MDH1B: variants seen among roughly 807,000 people sequenced by gnomAD.
MDH1B encodes putative malate dehydrogenase 1B.
MDH1B carries 60 observed loss-of-function variants against 61.4 expected under a neutral mutation model. The observed-to-expected ratio is 0.98, with a 90% CI of 0.79 to 1.21. MDH1B has a LOEUF of 1.21. MDH1B is among the 50% of genes most tolerant of loss of function. MDH1B has a pLI of 0.00. For synonymous variants in MDH1B, 236 were observed against 218.7 expected (o/e 1.08, Z -0.70); for missense variants, 587 against 632.1 (o/e 0.93, Z 0.76).
At chr2:206,741,607 A>T (rs1218235745) in intron 9 of MDH1B, among the ~76,000 whole-genome samples, 1 of 152,154 alleles carries the variant, frequency 6.6e-6, no homozygotes, top group Admixed American at 6.5e-5. Flanking sequence ...CAATTTTGAG[A>T]CTCAGACTGG....
Position 206,739,613 on chromosome 2 carries a change from T to C in MDH1B, c.1508A>G (p.Gln503Arg), listed in dbSNP as rs1687692788. 5 of 1,614,058 alleles carry C rather than the reference T, an allele frequency of 3.1e-6. No individual in the cohort carries two copies. The highest frequency in any genetic ancestry group is 4.2e-6 in the Non-Finnish European group (5 of 1,179,930). ...QIPQTTFEKP[Q>R]SLEFLNEFEG... ...CCTACCATTTAGGAACTCAAGACTC[T>C]GTGGCTTTTCAAAGGTGGTTTGAGG... Residue 503 changes from glutamine to arginine, a missense_variant, in exon 11 of 12, where the codon CAG becomes CGG. Coordinates refer to ENST00000374412, the MANE Select transcript of MDH1B (RefSeq NM_001039845.3).
At chr2:206,749,271 A>G (rs1210428086) in intron 6 of MDH1B, 88 bp from the exon 7 acceptor site, 6 of 1,090,508 alleles carry the variant, frequency 5.5e-6, no homozygotes, top group Admixed American at 4.4e-5. Flanking sequence ...ACTAAGTATC[A>G]GAAACCTAAT....
intron 9 of MDH1B, among the ~76,000 whole-genome samples, chr2:206,744,512 A>G (rs1687983931): frequency 6.6e-6 from 1 of 152,206 alleles, no homozygotes; most frequent in Non-Finnish European, 1.5e-5. Flanking sequence ...GCCCTCCCCT[A>G]TTTCTTATGA....
intron 1 of MDH1B, 122 bp downstream of exon 1, chr2:206,765,128 T>C: frequency 1.2e-5 from 15 of 1,277,802 alleles, no homozygotes; most frequent in Non-Finnish European, 1.6e-5. Flanking sequence ...TAAAAAACTT[T>C]GAATAAATCT....
At chr2:206,739,451 G>A (rs1687683945) in intron 11 of MDH1B, 142 bp downstream of exon 11, 1 of 723,432 alleles carries the variant, frequency 1.4e-6, no homozygotes, top group Non-Finnish European at 2.3e-6. Flanking sequence ...AGGAGAGTAA[G>A]CAACCAAGGC....
At chr2:206,744,848 C>G (rs555031178) in intron 9 of MDH1B, among the ~76,000 whole-genome samples, 1 of 152,114 alleles carries the variant, frequency 6.6e-6, no homozygotes, top group South Asian at 2.1e-4. Context: ...TCGCTCGTAC[C>G]TGGGAGGCGG....
chr2:206,738,583 T>C (rs552076003), intron 11 of MDH1B, 72 bp from the exon 12 acceptor site: 1 of 1,143,336 alleles, frequency 8.7e-7, no homozygotes, highest in South Asian at 1.5e-5. Context: ...ATTATTAGCT[T>C]TTTTGTTTGC....
Position 206,756,984 on chromosome 2 carries a change from T to C in MDH1B, c.327A>G (p.Gln109=), listed in dbSNP as rs1325149248. The stretch of plus-strand genomic sequence containing the variant: ...TTTCTATATGTGCCCCCAGGTTCTC[T>C]TGAGCAATTACCATCATCAGTTCAG... The part of the protein sequence containing the change: ...MTTELMMVIA[Q]ENLGAHIEKE... Residue 109 remains glutamine, a synonymous_variant, in exon 4 of 12, where the codon CAA becomes CAG. Transcript: ENST00000374412. The C allele has an allele frequency of 6.2e-7, 1 of 1,614,068 alleles. No homozygotes were observed. The highest frequency in any genetic ancestry group is 1.7e-5 in the Admixed American group (1 of 60,016).
chr2:206,741,771 G>A (rs183801584), intron 9 of MDH1B, among the ~76,000 whole-genome samples: 87 of 152,108 alleles, frequency 5.7e-4, no homozygotes, highest in Non-Finnish European at 9.9e-4. Flanking sequence ...GGTACCAGGA[G>A]TGGTTCTAGA....
chr2:206,759,887 G>T (rs777387801), intron 2 of MDH1B, among the ~76,000 whole-genome samples: 2 of 152,226 alleles, frequency 1.3e-5, no homozygotes, highest in Non-Finnish European at 2.9e-5. Context: ...GACCAGACCA[G>T]CAGAGAGTGA....
At position 206,765,116 on chromosome 2, in the gene MDH1B, A is replaced by G. The variant is rs1001597891; in HGVS notation, c.22+134T>C. 3.6e-6 allele frequency: 4 copies of G among 1,112,310 alleles called. No individual in the cohort carries two copies. In the African/African-American group the frequency reaches 6.5e-5, roughly 18 times the overall value. The allele number at this position is 1,112,310 out of a possible 1,614,324, so 68.9% of individuals were successfully genotyped here. The stretch of plus-strand genomic sequence containing the variant: ...AATGCTTGGCGCACCGTCACGGTCC[A>G]GTAAAAAACTTTGAATAAATCTATA... On this transcript the variant is annotated intron_variant, in intron 1 of 11. Transcript: ENST00000374412.
At chr2:206,748,511 CCT>C (rs1407053901) in intron 7 of MDH1B, among the ~76,000 whole-genome samples, 3 of 152,170 alleles carry the variant, frequency 2.0e-5, no homozygotes, top group African/African-American at 7.2e-5. Context: ...TGCCTGGTAC[CCT>C]GAGATCTGGG....
intron 9 of MDH1B, among the ~76,000 whole-genome samples, chr2:206,742,990 C>G (rs1006839322): frequency 7.2e-5 from 11 of 152,146 alleles, no homozygotes; most frequent in African/African-American, 2.2e-4. Flanking sequence ...GCTGGGATTA[C>G]AGGTGTGAGC....
chr2:206,739,650 GA>G lies in MDH1B; in HGVS notation c.1470del (p.Pro491GlnfsTer18). The G allele has an allele frequency of 6.2e-7, 1 of 1,613,964 alleles. No individual in the cohort carries two copies. Among genetic ancestry groups the G allele is most frequent in the African/African-American group, 1.3e-5 (1 of 75,028 alleles). Reference protein sequence around the residue: ...KNLAMSDAAEFPNQIPQTTFE... With the variant: ...KNLAMSDAAEXPNQIPQTTFE... ...AAGGTGGTTTGAGGAATCTGATTTGGAAACTCTGCTGCTGCAAATAGAGTTA... is the reference window on the plus strand; with the variant it reads ...AAGGTGGTTTGAGGAATCTGATTTGGAACTCTGCTGCTGCAAATAGAGTTA... On this transcript the variant is annotated frameshift_variant, in exon 11 of 12. Coordinates refer to ENST00000374412, the MANE Select transcript of MDH1B (RefSeq NM_001039845.3). LOFTEE classifies it high-confidence loss of function.
intron 6 of MDH1B, among the ~76,000 whole-genome samples, 154 bp from the exon 7 acceptor site, chr2:206,749,337 T>C (rs916543935): frequency 5.9e-5 from 9 of 152,192 alleles, no homozygotes; most frequent in Admixed American, 5.2e-4. Context: ...CAAGTGTCTT[T>C]GATCCCCATA....
In MDH1B at chr2:206,756,964, A is replaced by C. The variant is rs1199963625; in HGVS notation, c.347T>G (p.Ile116Arg). ...VIAQENLGAHIEKEQEEEALK... is the reference protein window; with the variant it reads ...VIAQENLGAHREKEQEEEALK... ...GGCTTCTTCCTCCTGCTCTTTTTCT[A>C]TATGTGCCCCCAGGTTCTCTTGAGC... The change falls in exon 4 of 12, where the codon ATA (isoleucine) becomes AGA (arginine). Residue 116 changes from isoleucine (I) to arginine (R), a missense_variant. Ile to Arg is a moderately conservative substitution (Grantham distance 97). Coordinates refer to ENST00000374412, the MANE Select transcript of MDH1B (RefSeq NM_001039845.3). 1.2e-6 allele frequency: 2 copies of C among 1,614,052 alleles called. No individual in the cohort carries two copies. The highest frequency in any genetic ancestry group is 3.3e-5 in the Admixed American group (2 of 60,018).
At chr2:206,752,283 A>AC (rs1688494509) in intron 5 of MDH1B, among the ~76,000 whole-genome samples, 1 of 152,118 alleles carries the variant, frequency 6.6e-6, no homozygotes, top group South Asian at 2.1e-4. Flanking sequence ...CCCCAAATAG[A>AC]CTATATCACT....
At chr2:206,755,678 C>T (rs1455399830) in intron 4 of MDH1B, among the ~76,000 whole-genome samples, 173 bp from the exon 5 acceptor site, 1 of 152,154 alleles carries the variant, frequency 6.6e-6, no homozygotes, top group African/African-American at 2.4e-5. Flanking sequence ...AGAACAAAAA[C>T]TTCTCACTAC....
chr2:206,738,758 C>T (rs768383640), intron 11 of MDH1B, among the ~76,000 whole-genome samples: 1 of 152,100 alleles, frequency 6.6e-6, no homozygotes, highest in Non-Finnish European at 1.5e-5. Flanking sequence ...CTCCTGTCAC[C>T]TTGCTTTTCA....
Sources: gnomAD v4.1 joint callset for allele counts (sites outside exome capture counted in the v4.1 genomes callset) on GRCh38, gnomAD v4.1.1 for gene constraint, MANE v1.5 for transcripts, NCBI Gene and HGNC (gene_info 2026-07-23, HGNC 2026-07-21) for gene names.